SGCG: variants seen among roughly 807,000 people sequenced by gnomAD.
SGCG encodes gamma-sarcoglycan.
Under a neutral mutation model 29.3 loss-of-function variants are expected in SGCG, and 26 were observed. The observed-to-expected ratio is 0.89, with a 90% CI of 0.65 to 1.23. The LOEUF is 1.23. SGCG is among the 50% of genes most tolerant of loss of function. SGCG has a pLI of 0.00. For missense variants in SGCG, 353 were observed against 356.0 expected (o/e 0.99, Z 0.07); for synonymous variants, 145 against 129.7 (o/e 1.12, Z -0.80).
chr13:23,313,809 G>A (rs9578579), intron 6 of SGCG, among the ~76,000 whole-genome samples: 35,305 of 152,180 alleles, frequency 0.23, 4,657 homozygotes, highest in East Asian at 0.36. Context: ...GAGGGTGTTG[G>A]CAAAGGAGAT....
At chr13:23,283,546 T>C (rs9578572) in intron 5 of SGCG, among the ~76,000 whole-genome samples, 65,661 of 151,820 alleles carry the variant, frequency 0.43, 15,004 homozygotes, top group Middle Eastern at 0.65. Context: ...ACATAGCCCA[T>C]CAATGGGTTT....
chr13:23,205,735 C>A (rs1252110753), intron 2 of SGCG, among the ~76,000 whole-genome samples: 1 of 152,022 alleles, frequency 6.6e-6, no homozygotes, highest in Non-Finnish European at 1.5e-5. Flanking sequence ...GCCTTTCCGG[C>A]CATCACTGCA....
the SGCG span, among the ~76,000 whole-genome samples, chr13:23,165,225 A>G: frequency 6.6e-6 from 1 of 152,234 alleles, no homozygotes. Context: ...GAAAATGTTA[A>G]TAAAATTATT....
At chr13:23,212,392 A>ATTTTTGTTCATACACCTTTTT (rs74387559) in intron 2 of SGCG, among the ~76,000 whole-genome samples, 1 of 151,634 alleles carries the variant, frequency 6.6e-6, no homozygotes, top group Admixed American at 6.6e-5. Context: ...GCACACCACA[A>ATTTTTGTTCATACACCTTTTT]TTTTCTGGTT....
Position 23,198,147 on chromosome 13 carries a change from A to C in SGCG, c.1-5548A>C, listed in dbSNP as rs375527897. 3.9e-5 allele frequency among the ~76,000 whole-genome samples: 6 copies of C among 152,170 alleles called. 1 individual carries two copies. The East Asian group carries it at 1.2e-3, about 29-fold the overall frequency. ...TAGATAGAATTAAATGTCATTTCTA[A>C]AAGGTCTGTTTTGTTCTTTCTCAAA... On this transcript the variant is annotated intron_variant, in intron 1 of 7. Transcript: ENST00000218867.
intron 6 of SGCG, among the ~76,000 whole-genome samples, chr13:23,313,762 T>G (rs1882691910): frequency 6.6e-6 from 1 of 152,214 alleles, no homozygotes; most frequent in Non-Finnish European, 1.5e-5. Flanking sequence ...CTTGATTGGA[T>G]TGAAGGATTC....
At chr13:23,211,424 T>C (rs1464243012) in intron 2 of SGCG, among the ~76,000 whole-genome samples, 1 of 151,644 alleles carries the variant, frequency 6.6e-6, no homozygotes, top group African/African-American at 2.4e-5. Flanking sequence ...TCTGCCAGAG[T>C]GAGGATATAA....
At chr13:23,199,117 A>G (rs1565996517) in intron 1 of SGCG, among the ~76,000 whole-genome samples, 2 of 152,082 alleles carry the variant, frequency 1.3e-5, no homozygotes, top group Admixed American at 1.3e-4. Flanking sequence ...CAAAAAAAAA[A>G]AAAAATTAAA....
At chr13:23,247,606 G>T (rs529050447) in intron 3 of SGCG, among the ~76,000 whole-genome samples, 9 of 151,926 alleles carry the variant, frequency 5.9e-5, no homozygotes, top group Non-Finnish European at 1.0e-4. Context: ...AAGTGAGGTA[G>T]GTGATTTGTA....
Position 23,221,532 on chromosome 13 carries a change from A to G in SGCG, c.196-13079A>G, listed in dbSNP as rs1484376799. Among the ~76,000 whole-genome samples the G allele has an allele frequency of 2.0e-5, 3 of 152,240 alleles. No individual in the cohort carries two copies. In the East Asian group the frequency reaches 5.8e-4, roughly 29 times the overall value. On this transcript the variant is annotated intron_variant, in intron 2 of 7. Transcript: ENST00000218867. ...CCAGGGCCATTCAGTCATTGAACAC[A>G]GTTTTCTTAGGTTCTATGATGTATA...
chr13:23,240,933 C>G (rs1211142663), intron 3 of SGCG, among the ~76,000 whole-genome samples: 1 of 151,944 alleles, frequency 6.6e-6, no homozygotes, highest in Non-Finnish European at 1.5e-5. Context: ...GCAGGCGGAT[C>G]ACGAGGTCAG....
intron 6 of SGCG, among the ~76,000 whole-genome samples, chr13:23,295,691 C>T (rs1456111219): frequency 6.6e-6 from 1 of 152,174 alleles, no homozygotes; most frequent in East Asian, 1.9e-4. Flanking sequence ...ACACTTGGTG[C>T]CTGTTCACAG....
At chr13:23,213,468 T>C (rs1227660066) in intron 2 of SGCG, among the ~76,000 whole-genome samples, 1 of 151,948 alleles carries the variant, frequency 6.6e-6, no homozygotes, top group Admixed American at 6.6e-5. Context: ...GGTGACAGAG[T>C]GAGACTCCGT....
At chr13:23,303,702 T>C (rs7330696) in intron 6 of SGCG, among the ~76,000 whole-genome samples, 149,410 of 152,300 alleles carry the variant, frequency 0.98, 73,356 homozygotes, top group Middle Eastern at 1. Context: ...ATTTACAATG[T>C]GCTTGTGCAG....
At chr13:23,317,537 T>C (rs1383641069) in intron 6 of SGCG, among the ~76,000 whole-genome samples, 1 of 129,788 alleles carries the variant, frequency 7.7e-6, no homozygotes, top group Non-Finnish European at 1.9e-5. Flanking sequence ...TATTTTCTCC[T>C]TTTTTTTGCT....
chr13:23,229,312 C>A (rs1175332579), intron 2 of SGCG, among the ~76,000 whole-genome samples: 2 of 152,150 alleles, frequency 1.3e-5, no homozygotes, highest in Non-Finnish European at 1.5e-5. Context: ...GGGTATATAT[C>A]CAGTAATGGG....
At chr13:23,235,096 C>T (rs9580580) in intron 3 of SGCG, among the ~76,000 whole-genome samples, 15,443 of 152,166 alleles carry the variant, frequency 0.1, 972 homozygotes, top group Middle Eastern at 0.14. Flanking sequence ...CAGCTGGGCG[C>T]GGTGGCTCAC....
chr13:23,235,401 G>C (rs953456779), intron 3 of SGCG, among the ~76,000 whole-genome samples: 2 of 151,656 alleles, frequency 1.3e-5, no homozygotes, highest in African/African-American at 4.8e-5. Context: ...AAAGAAATTT[G>C]TTTCATTGTA....
chr13:23,174,968 G>A, the SGCG span, among the ~76,000 whole-genome samples: 1 of 152,190 alleles, frequency 6.6e-6, no homozygotes, highest in Non-Finnish European at 1.5e-5. Context: ...ATGGTCACAG[G>A]TGGAGGATGG....
Sources: allele counts gnomAD v4.1 joint callset (sites outside exome capture counted in the v4.1 genomes callset), GRCh38; gene constraint gnomAD v4.1.1; transcripts MANE v1.5; gene names NCBI Gene and HGNC (gene_info 2026-07-23, HGNC 2026-07-21).